The following LAMA5 variants were observed in gnomAD, a reference collection of about 807,000 sequenced individuals.
The protein encoded by LAMA5 is laminin subunit alpha 5.
Under a neutral mutation model 433.4 loss-of-function variants are expected in LAMA5, and 260 were observed. That is an observed-to-expected ratio of 0.60 (90% CI 0.54 to 0.66). The LOEUF is 0.66. Ranked by LOEUF, LAMA5 falls within the 30% of genes least tolerant of loss-of-function variation. LAMA5 has a pLI of 0.00. For synonymous variants in LAMA5, 2,620 were observed against 2,226.6 expected, an observed-to-expected ratio of 1.18 and a Z score of -4.97; for missense variants, 5,378 against 5,258.5, an observed-to-expected ratio of 1.02 and a Z score of -0.70.
chr20:62,313,752 T>C lies in LAMA5; in HGVS notation c.8555A>G (p.Gln2852Arg). 1 of 1,612,936 alleles carries C rather than the reference T, an allele frequency of 6.2e-7. No individual in the cohort carries two copies. Among genetic ancestry groups the C allele is most frequent in the Non-Finnish European group, 8.5e-7 (1 of 1,179,970 alleles). ...MSVTVERQMI[Q>R]ETKGDTVAPG... ...GGCCACCGTGTCACCCTTGGTTTCC[T>C]GGATCATCTGTCTCTCCACTGTGAC... Residue 2852 changes from glutamine (Q) to arginine (R), a missense_variant, in exon 63 of 80, where the codon CAG becomes CGG. Gln to Arg is a conservative substitution (Grantham distance 43). Coordinates refer to ENST00000252999, the MANE Select transcript of LAMA5 (RefSeq NM_005560.6).
Position 62,334,322 on chromosome 20 carries a change from A to T in LAMA5, c.2603T>A (p.Leu868His). 1 of 1,607,632 alleles carries T rather than the reference A, an allele frequency of 6.2e-7. No homozygotes were observed. Among genetic ancestry groups the T allele is most frequent in the Non-Finnish European group, 8.5e-7 (1 of 1,177,744 alleles). The change falls in exon 22 of 80, where the codon CTC becomes CAC. Residue 868 changes from leucine to histidine, a missense_variant. Transcript: ENST00000252999. ...CAGGCGCAGGTGGTGCAGGTCCGGG[A>T]GGTAGTGGTCCCTCGCAGGCCTGGC... ...TCSEPARDHY[L>H]PDLHHLRLEL...
rs547740017 is a variant in LAMA5, at chr20:62,339,036, C to CAA, written c.1478-430_1478-429dup. On this transcript the variant is annotated intron_variant, in intron 11 of 79. Transcript: ENST00000252999. ...TGGGCGACAGGGTGAGACTCCGTCT[C>CAA]AAAAAAAAAAAAAAATTCCAACAAG... Among the ~76,000 whole-genome samples, 565 of 125,320 alleles carry CAA rather than the reference C, an allele frequency of 4.5e-3. 5 individuals are homozygous for CAA. The highest frequency in any genetic ancestry group is 5.1e-3 in the Admixed American group (65 of 12,738). 82.2% of individuals were successfully genotyped at this position (125,320 alleles called of 152,430 possible).
chr20:62,345,964 A>G lies in LAMA5; in HGVS notation c.1418-87T>C, dbSNP rs1983294517. 6 of 1,571,866 alleles carry G rather than the reference A, an allele frequency of 3.8e-6. No individual in the cohort carries two copies. In the Admixed American group the frequency reaches 8.7e-5, roughly 23 times the overall value. ...CTGCCACCCTTGGTCTCTCAGCACA[A>G]TCGGAGATGCAGGCAGGATAACATG... On this transcript the variant is annotated intron_variant, in intron 10 of 79. Coordinates refer to ENST00000252999, the MANE Select transcript of LAMA5 (RefSeq NM_005560.6).
Position 62,355,077 on chromosome 20 carries a change from G to C in LAMA5, c.451-1826C>G, listed in dbSNP as rs1193516635. Among the ~76,000 whole-genome samples the C allele has an allele frequency of 2.0e-5, 3 of 152,208 alleles. No individual in the cohort carries two copies. The South Asian group carries it at 6.2e-4, about 31-fold the overall frequency. ...ACGATGGAGACCTTGGGAGACCTCA[G>C]TACTCAGCCCAACTCTTTGTGGGCG... On this transcript the variant is annotated intron_variant, in intron 2 of 79. Transcript: ENST00000252999.
intron 34 of LAMA5, 129 bp downstream of exon 34, chr20:62,328,715 G>T: frequency 1.0e-6 from 1 of 968,382 alleles, no homozygotes; most frequent in Non-Finnish European, 1.5e-6. Flanking sequence ...CAGGCCCGCA[G>T]ATGGGGCAGC....
rs748553410 is a variant in LAMA5, at chr20:62,320,841, G to A, written c.6546C>T (p.Gly2182=). The A allele has an allele frequency of 2.5e-4, 397 of 1,612,452 alleles. No individual in the cohort carries two copies. Among genetic ancestry groups the A allele is most frequent in the Non-Finnish European group, 3.0e-4 (349 of 1,179,788 alleles). The part of the protein sequence containing the change: ...VLLLDDLERA[G]ALLPAIHEQL... The stretch of plus-strand genomic sequence containing the variant: ...GCTCGTGAATGGCGGGGAGGAGGGC[G>A]CCGGCCCGTTCCAGGTCATCCAGGA... Residue 2182 remains glycine, a synonymous_variant, in exon 49 of 80, where the codon GGC becomes GGT. Transcript: ENST00000252999.
At position 62,333,606 on chromosome 20, in the gene LAMA5, A is replaced by G. The variant is rs1980937202; in HGVS notation, c.2979T>C (p.Pro993=). The G allele has an allele frequency of 1.3e-6, 2 of 1,574,640 alleles. No homozygotes were observed. The highest frequency in any genetic ancestry group is 1.7e-6 in the Non-Finnish European group (2 of 1,160,608). ...CCTCCACACGCAGGGCCCAGGTGCC[A>G]GGGTTCAGCACAAAGGGCTCTCCGA... ...RGFGEPFVLN[P]GTWALRVEAE... is the part of the protein sequence containing the mutation. Residue 993 remains proline (P), a synonymous_variant, in exon 24 of 80, where the codon CCT becomes CCC. Transcript: ENST00000252999.
chr20:62,309,468 C>A lies in LAMA5; in HGVS notation c.10956G>T (p.Met3652Ile). Residue 3652 changes from methionine to isoleucine, a missense_variant, in exon 80 of 80, where the codon ATG (methionine) becomes ATT (isoleucine). By Grantham distance (10) the Met-to-Ile change is conservative. Coordinates refer to ENST00000252999, the MANE Select transcript of LAMA5 (RefSeq NM_005560.6). The stretch of plus-strand genomic sequence containing the variant: ...AGGCGGGGGGCCAGGGCTGCACGGC[C>A]ATGGGCTCTGGGGGCACAGGGAAGA... ...PLYLGGLPEP[M>I]AVQPWPPAYC... 6.3e-7 allele frequency: 1 copy of A among 1,579,940 alleles called. No individual in the cohort carries two copies.
chr20:62,329,112 C>G, intron 33 of LAMA5, 26 bp downstream of exon 33: 1 of 1,612,218 alleles, frequency 6.2e-7, no homozygotes, highest in Non-Finnish European at 8.5e-7. Flanking sequence ...CACCCCGGAC[C>G]CCTGACCTGC....
chr20:62,326,790 G>A (rs1167372481), intron 39 of LAMA5, 30 bp from the exon 40 acceptor site: 1 of 1,610,112 alleles, frequency 6.2e-7, no homozygotes, highest in South Asian at 1.1e-5. Context: ...GGTGAGGGTT[G>A]GCACGGGCCT....
At chr20:62,336,548 CCTCACCTGTGA>C in intron 17 of LAMA5, 103 bp from the exon 18 acceptor site, 1 of 1,187,052 alleles carries the variant, frequency 8.4e-7, no homozygotes, top group Non-Finnish European at 1.2e-6. Context: ...GGCTGAGGGC[CCTCACCTGTGA>C]CTCACAGGAG....
chr20:62,341,551 G>A (rs1173331537), intron 11 of LAMA5, among the ~76,000 whole-genome samples: 2 of 152,116 alleles, frequency 1.3e-5, no homozygotes, highest in African/African-American at 4.8e-5. Flanking sequence ...AGACATCATC[G>A]AATGCTTCCT....
chr20:62,336,483 C>T (rs1426192234), intron 17 of LAMA5, 38 bp from the exon 18 acceptor site: 3 of 1,543,558 alleles, frequency 1.9e-6, no homozygotes, highest in African/African-American at 1.4e-5. Flanking sequence ...AGCGGGCGCC[C>T]TGCTCTCCCA....
At position 62,333,959 on chromosome 20, in the gene LAMA5, C is replaced by G. The variant is rs1475748182; in HGVS notation, c.2820G>C (p.Met940Ile). Residue 940 changes from methionine (M) to isoleucine (I), a missense_variant, in exon 23 of 80, where the codon ATG (methionine) becomes ATC (isoleucine). Transcript: ENST00000252999. ...LVFRYVNRGA[M>I]SVSGRVSVRE... is the part of the protein sequence containing the mutation. ...GCACAGAGACCCGCCCGCTCACACT[C>G]ATGGCCCCCCGGTTGACGTATCGGA... 1.2e-6 allele frequency: 2 copies of G among 1,612,796 alleles called. No individual in the cohort carries two copies. Among genetic ancestry groups the G allele is most frequent in the Admixed American group, 1.7e-5 (1 of 59,994 alleles).
intron 48 of LAMA5, 144 bp from the exon 49 acceptor site, chr20:62,321,034 G>A (rs1459253757): frequency 9.2e-6 from 8 of 870,758 alleles, no homozygotes; most frequent in East Asian, 8.0e-5. Context: ...CTGTGGGGAG[G>A]TCCCAGAGTT....
rs201189639 is a variant in LAMA5 at position 62,313,834 on chromosome 20, C to T, written c.8505-32G>A. The T allele has an allele frequency of 5.6e-6, 9 of 1,604,270 alleles. No homozygotes were observed. In the African/African-American group the frequency reaches 1.2e-4, roughly 22 times the overall value. ...GCAGAGGCGAGGGGTGGCGAGTGGG[C>T]ACGGAGAGATGAGGGGTGGCGAGTG... On this transcript the variant is annotated intron_variant, in intron 62 of 79. Coordinates refer to ENST00000252999, the MANE Select transcript of LAMA5 (RefSeq NM_005560.6).
intron 1 of LAMA5, among the ~76,000 whole-genome samples, chr20:62,366,679 C>T (rs868672239): frequency 4.8e-4 from 73 of 152,356 alleles, no homozygotes; most frequent in African/African-American, 1.6e-3. Context: ...GCCCCCCTCC[C>T]GCCCCGGTCA....
At chr20:62,362,331 G>A in intron 2 of LAMA5, 69 bp downstream of exon 2, 1 of 1,352,848 alleles carries the variant, frequency 7.4e-7, no homozygotes, top group Non-Finnish European at 9.6e-7. Context: ...CTGGTCCTGT[G>A]GCCCAAGGTA....
Position 62,336,726 on chromosome 20 carries a change from G to A in LAMA5, c.2217+8C>T, listed in dbSNP as rs1271263423. The A allele has an allele frequency of 1.9e-6, 3 of 1,612,848 alleles. No homozygotes were observed. Among genetic ancestry groups the A allele is most frequent in the Non-Finnish European group, 2.5e-6 (3 of 1,179,930 alleles). On this transcript the variant is annotated splice_region_variant and intron_variant, in intron 17 of 79. Coordinates refer to ENST00000252999, the MANE Select transcript of LAMA5 (RefSeq NM_005560.6). ...CCATCTCCCACACACGAGCAGACTTGGGCTCACCTCAGGAAGGGCAGGATC... is the reference window on the plus strand; with the variant it reads ...CCATCTCCCACACACGAGCAGACTTAGGCTCACCTCAGGAAGGGCAGGATC...
Sources: allele counts gnomAD v4.1 joint callset (sites outside exome capture counted in the v4.1 genomes callset), GRCh38; gene constraint gnomAD v4.1.1; transcripts MANE v1.5; gene names NCBI Gene and HGNC (gene_info 2026-07-23, HGNC 2026-07-21).